The following FCHSD1 variants were observed in gnomAD, a reference collection of about 807,000 sequenced individuals.
FCHSD1 encodes the protein F-BAR and double SH3 domains protein 1.
A neutral mutation model predicts 101.3 loss-of-function variants in FCHSD1; 109 were observed. That is an observed-to-expected ratio of 1.08 (90% confidence interval 0.92 to 1.26). The LOEUF (loss-of-function observed/expected upper bound fraction) is 1.26, where lower values mean the gene tolerates loss of function less well. Among genes scored for constraint, FCHSD1 ranks in the 50% most tolerant of loss-of-function variants. FCHSD1 has a pLI of 0.00. For missense variants in FCHSD1, 820 were observed against 895.8 expected (o/e 0.92, Z 1.08); for synonymous variants, 291 against 356.8 (o/e 0.82, Z 2.08).
Position 141,645,035 on chromosome 5 carries a change from C to G in FCHSD1, c.1425G>C (p.Val475=), listed in dbSNP as rs1396607256. 3.7e-6 allele frequency: 6 copies of G among 1,609,708 alleles called. No individual in the cohort carries two copies. The Admixed American group carries it at 6.7e-5, about 18-fold the overall frequency. ...CCATTCATACCTGATAGCGAAATACCACGTGTGCAGGGCAGGGGAGGGCCC... is the reference window on the plus strand; with the variant it reads ...CCATTCATACCTGATAGCGAAATACGACGTGTGCAGGGCAGGGGAGGGCCC... ...ATRALPCPAH[V]VFRYQAGRED... The change falls in exon 14 of 20, where the codon GTG becomes GTC. Residue 475 remains valine (V), a synonymous_variant. Transcript: ENST00000435817.
rs893441783 is a variant in FCHSD1 at position 141,641,547 on chromosome 5, G to A, written c.2024C>T (p.Pro675Leu). 3 of 1,525,930 alleles carry A rather than the reference G, an allele frequency of 2.0e-6. No individual in the cohort carries two copies. The highest frequency in any genetic ancestry group is 1.4e-5 in the African/African-American group (1 of 72,382). 94.5% of individuals were successfully genotyped at this position (1,525,930 alleles called of 1,614,324 possible). Residue 675 changes from proline to leucine, a missense_variant, in exon 20 of 20, where the codon CCC becomes CTC. By Grantham distance (98) the Pro-to-Leu change is moderately conservative. Transcript: ENST00000435817. ...AGGATCCGGGGCTTTAGCCGGCGGG[G>A]GAGGTGGTGGACGCATCTGTAGGGA... Reference protein sequence around the residue: ...PRLRPMRPPPPPPAKAPDPGH... With the variant: ...PRLRPMRPPPLPPAKAPDPGH...
In FCHSD1 at chr5:141,645,063, G is replaced by C. The variant is rs769500524; in HGVS notation, c.1397C>G (p.Thr466Arg). 6.3e-7 allele frequency: 1 copy of C among 1,596,230 alleles called. No individual in the cohort carries two copies. The highest frequency in any genetic ancestry group is 8.6e-7 in the Non-Finnish European group (1 of 1,169,032). ...FEEPAPQALA[T>R]RALPCPAHVV... ...GTGTGCAGGGCAGGGGAGGGCCCTC[G>C]TGGCCAGGGCTTGGGGGGCAGGCTC... The change falls in exon 14 of 20, where the codon ACG becomes AGG. Residue 466 changes from threonine to arginine, a missense_variant. Physicochemically the swap from Thr to Arg is moderately conservative, Grantham distance 71. Transcript: ENST00000435817.
Position 141,639,432 on chromosome 5 carries a change from T to C in FCHSD1, c.*2066A>G. The C allele has an allele frequency of 6.5e-7, 1 of 1,547,094 alleles. No individual in the cohort carries two copies. The highest frequency in any genetic ancestry group is 8.8e-7 in the Non-Finnish European group (1 of 1,136,228). On this transcript the variant is annotated 3_prime_UTR_variant, in exon 20 of 20. Transcript: ENST00000435817. The surrounding 1 kb of genome is among the most constrained non-coding windows in gnomAD (Gnocchi z 4.4). ...CAAAACATGAAGGGAAATGGAAATG[T>C]TACCCTCACTCCCCTCCTCCCTGCT...
chr5:141,646,520 C>G, intron 11 of FCHSD1, 83 bp downstream of exon 11: 1 of 1,517,180 alleles, frequency 6.6e-7, no homozygotes, highest in Non-Finnish European at 8.9e-7. Context: ...CCATGACACC[C>G]TCAATGGCTC....
Position 141,641,122 on chromosome 5 carries a change from G to C in FCHSD1, c.*376C>G, listed in dbSNP as rs1392256795. On this transcript the variant is annotated 3_prime_UTR_variant, in exon 20 of 20. Coordinates refer to ENST00000435817, the MANE Select transcript of FCHSD1 (RefSeq NM_033449.3). ...TTCCCAAGGCCTGTTCCTCTCCCCA[G>C]CCCAACCCCAGTGACCCTGGCATCC... The C allele has an allele frequency of 3.2e-6, 1 of 309,620 alleles. No individual in the cohort carries two copies. Among genetic ancestry groups the C allele is most frequent in the African/African-American group, 2.1e-5 (1 of 46,590 alleles). 19.2% of individuals were successfully genotyped at this position (309,620 alleles called of 1,614,324 possible).
chr5:141,647,836 T>C, intron 8 of FCHSD1, 132 bp downstream of exon 8: 1 of 1,311,082 alleles, frequency 7.6e-7, no homozygotes. Flanking sequence ...CCAGAGTGCA[T>C]GTATGTATCA....
intron 9 of FCHSD1, 70 bp from the exon 10 acceptor site, chr5:141,647,300 T>A (rs1188077654): frequency 6.4e-7 from 1 of 1,561,580 alleles, no homozygotes; most frequent in Non-Finnish European, 8.7e-7. Context: ...TAGCACTTCT[T>A]GGAAGAAAAA....
At chr5:141,647,561 G>A in intron 8 of FCHSD1, 41 bp from the exon 9 acceptor site, 1 of 1,603,710 alleles carries the variant, frequency 6.2e-7, no homozygotes, top group South Asian at 1.1e-5. Context: ...CCTTCCCCCA[G>A]ACCTCTACTG....
In FCHSD1 at chr5:141,644,843, G is replaced by A. The variant is rs753476247; in HGVS notation, c.1524+16C>T. 19 of 1,612,128 alleles carry A rather than the reference G, an allele frequency of 1.2e-5. No homozygotes were observed. The highest frequency in any genetic ancestry group is 6.7e-5 in the East Asian group (3 of 44,818). Reference sequence around the variant, plus strand: ...TGCCCCCAACCCAAGGTCAGAGCCCGGGGTCCCATACCCACCTTGACCCAT... The same window carrying A: ...TGCCCCCAACCCAAGGTCAGAGCCCAGGGTCCCATACCCACCTTGACCCAT... On this transcript the variant is annotated intron_variant, in intron 15 of 19. Transcript: ENST00000435817.
chr5:141,640,414 GTC>G lies in FCHSD1; in HGVS notation c.*1082_*1083del. The G allele has an allele frequency of 6.2e-7, 1 of 1,614,176 alleles. No individual in the cohort carries two copies. Among genetic ancestry groups the G allele is most frequent in the Non-Finnish European group, 8.5e-7 (1 of 1,180,020 alleles). On this transcript the variant is annotated 3_prime_UTR_variant, in exon 20 of 20. Coordinates refer to ENST00000435817, the MANE Select transcript of FCHSD1 (RefSeq NM_033449.3). ...TTGACCCCTCCCCTTTCTCTCAGGT[GTC>G]TCTACCACAGGGAGCAGGGAGTATG...
In FCHSD1 at chr5:141,643,070, G is replaced by A. The variant is rs773570572; in HGVS notation, c.1882C>T (p.Pro628Ser). The A allele has an allele frequency of 2.0e-5, 31 of 1,515,136 alleles. No individual in the cohort carries two copies. Among genetic ancestry groups the A allele is most frequent in the Non-Finnish European group, 2.7e-5 (31 of 1,133,510 alleles). 93.9% of individuals were successfully genotyped at this position (1,515,136 alleles called of 1,614,324 possible). ...GGTGCAGGTGGGGAGAAGCTGGGAG[G>A]AGAAGGGGACGGCAGCATCTGGAGG... ...DPEQMLPSPS[P>S]PSFSPPAPTS... The change falls in exon 18 of 20, where the codon CCT becomes TCT. Residue 628 changes from proline (P) to serine (S), a missense_variant. By Grantham distance (74) the Pro-to-Ser change is moderately conservative. Transcript: ENST00000435817.
chr5:141,644,761 C>G, intron 15 of FCHSD1, 71 bp from the exon 16 acceptor site: 1 of 1,606,528 alleles, frequency 6.2e-7, no homozygotes, highest in Non-Finnish European at 8.5e-7. Flanking sequence ...CTCTTCTACT[C>G]AGGCTTCTAG....
rs201427504 is a variant in FCHSD1 at position 141,644,304 on chromosome 5, C to T, written c.1777G>A (p.Gly593Arg). Reference sequence around the variant, plus strand: ...GAGGGGAAGACCCCAACACGGCCCCCAAATTCTCCCCTCCAGAAGCCGTCA... The same window carrying T: ...GAGGGGAAGACCCCAACACGGCCCCTAAATTCTCCCCTCCAGAAGCCGTCA... ...VDDGFWRGEF[G>R]GRVGVFPSLL... Residue 593 changes from glycine to arginine, a missense_variant, in exon 17 of 20, where the codon GGG becomes AGG. Transcript: ENST00000435817. 154 of 1,613,852 alleles carry T rather than the reference C, an allele frequency of 9.5e-5. No homozygotes were observed. In the African/African-American group the frequency reaches 1.5e-3, roughly 16 times the overall value.
rs572311087 is a variant in FCHSD1, at chr5:141,644,651, G to C, written c.1564C>G (p.Arg522Gly). 1.2e-6 allele frequency: 2 copies of C among 1,613,794 alleles called. No homozygotes were observed. The highest frequency in any genetic ancestry group is 1.7e-6 in the Non-Finnish European group (2 of 1,179,860). ...QHGEVGFVPE[R>G]YLNFPDLSLP... ...GAGAGGTCCGGGAAGTTGAGATATC[G>C]CTCAGGGACAAAGCCTACCTCGCCG... Residue 522 changes from arginine to glycine, a missense_variant, in exon 16 of 20, where the codon CGA becomes GGA. Transcript: ENST00000435817.
rs569973650 is a variant in FCHSD1 at position 141,640,191 on chromosome 5, T to C, written c.*1307A>G. ...TGCACTTGAAGGGAACCCCAGAGCTTCTGCAGAGCCAACACTGAGGGCCGG... is the reference window on the plus strand; with the variant it reads ...TGCACTTGAAGGGAACCCCAGAGCTCCTGCAGAGCCAACACTGAGGGCCGG... On this transcript the variant is annotated 3_prime_UTR_variant, in exon 20 of 20. Coordinates refer to ENST00000435817, the MANE Select transcript of FCHSD1 (RefSeq NM_033449.3). 7.2e-5 allele frequency: 117 copies of C among 1,614,028 alleles called. No individual in the cohort carries two copies. Among genetic ancestry groups the C allele is most frequent in the Non-Finnish European group, 9.1e-5 (107 of 1,180,008 alleles).
intron 2 of FCHSD1, 97 bp from the exon 3 acceptor site, chr5:141,650,501 G>C: frequency 6.9e-7 from 1 of 1,444,716 alleles, no homozygotes; most frequent in Non-Finnish European, 9.7e-7. Context: ...GGAGGGAGCG[G>C]TTGGGGGGAG....
Position 141,644,956 on chromosome 5 carries a change from G to C in FCHSD1, c.1441-14C>G. On this transcript the variant is annotated splice_polypyrimidine_tract_variant and intron_variant, in intron 14 of 19. Coordinates refer to ENST00000435817, the MANE Select transcript of FCHSD1 (RefSeq NM_033449.3). The stretch of plus-strand genomic sequence containing the variant: ...CTCACGCCCTGCCTGGGCCACACAC[G>C]AAGGATTCAGGACTTGGCTGTCCCC... The C allele has an allele frequency of 6.2e-7, 1 of 1,613,868 alleles. No individual in the cohort carries two copies. The highest frequency in any genetic ancestry group is 8.5e-7 in the Non-Finnish European group (1 of 1,179,838).
rs1022062052 is a variant in FCHSD1 at position 141,648,206 on chromosome 5, A to C, written c.577-110T>G. 5.9e-6 allele frequency: 8 copies of C among 1,365,344 alleles called. No individual in the cohort carries two copies. The African/African-American group carries it at 1.2e-4, about 20-fold the overall frequency. 84.6% of individuals were successfully genotyped at this position (1,365,344 alleles called of 1,614,324 possible). A position where few individuals can be genotyped will look rare whatever the true frequency, so the allele number is the denominator to read the frequency against. ...ATTCTCACATTATTGAGTGCTTACT[A>C]TGTGCCTGGCACTACACTAAAAATG... On this transcript the variant is annotated intron_variant, in intron 7 of 19. Coordinates refer to ENST00000435817, the MANE Select transcript of FCHSD1 (RefSeq NM_033449.3).
Position 141,649,376 on chromosome 5 carries a change from C to G in FCHSD1, c.375+19G>C. On this transcript the variant is annotated intron_variant, in intron 5 of 19. Transcript: ENST00000435817. The surrounding 1 kb of genome is among the most constrained non-coding windows in gnomAD (Gnocchi z 4.1). ...GGTCCCAAGCCAGCTCTTCCTTCAC[C>G]CCAACCTCTGAGCCATACCTTCCTA... The G allele has an allele frequency of 6.2e-7, 1 of 1,613,896 alleles. No individual in the cohort carries two copies. Among genetic ancestry groups the G allele is most frequent in the African/African-American group, 1.3e-5 (1 of 75,058 alleles).
Sources: gnomAD v4.1 joint callset for allele counts on GRCh38, gnomAD v4.1.1 for gene constraint, Gnocchi (gnomAD v3.1) non-coding constraint, MANE v1.5 for transcripts, NCBI Gene and HGNC (gene_info 2026-07-23, HGNC 2026-07-21) for gene names.